Variants in BRINP3 observed in about 807,000 individuals in gnomAD.
BRINP3 encodes BMP/retinoic acid-inducible neural-specific protein 3.
A neutral mutation model predicts 71.0 loss-of-function variants in BRINP3; 19 were observed. The ratio of observed to expected loss-of-function variants is 0.27; its 90% CI spans 0.19 to 0.39. The LOEUF (loss-of-function observed/expected upper bound fraction) is 0.39. Among genes scored for constraint, BRINP3 ranks in the 10% least tolerant of loss-of-function variants. The pLI is 1.00. For synonymous variants in BRINP3, 380 were observed against 337.7 expected, an observed-to-expected ratio of 1.13 and a Z score of -1.37; for missense variants, 959 against 940.8, an observed-to-expected ratio of 1.02 and a Z score of -0.25.
intron 2 of BRINP3, among the ~76,000 whole-genome samples, chr1:190,416,772 G>A (rs894178665): frequency 6.6e-6 from 1 of 152,048 alleles, no homozygotes; most frequent in Admixed American, 6.6e-5. Flanking sequence ...CAAAGGCTTA[G>A]AGACCATAAA....
chr1:190,257,474 T>C (rs569658133), intron 4 of BRINP3, among the ~76,000 whole-genome samples: 18 of 152,154 alleles, frequency 1.2e-4, no homozygotes, highest in Non-Finnish European at 2.4e-4. Context: ...ACTGACCTTC[T>C]GAAGCCTACT....
intron 2 of BRINP3, among the ~76,000 whole-genome samples, chr1:190,323,082 A>T (rs1666352188): frequency 6.6e-6 from 1 of 151,960 alleles, no homozygotes; most frequent in African/African-American, 2.4e-5. Context: ...TTAAAATATA[A>T]ATTAGTTATG....
chr1:190,416,772 G>T (rs894178665), intron 2 of BRINP3, among the ~76,000 whole-genome samples: 3 of 152,048 alleles, frequency 2.0e-5, no homozygotes, highest in South Asian at 2.1e-4. Flanking sequence ...CAAAGGCTTA[G>T]AGACCATAAA....
intron 2 of BRINP3, among the ~76,000 whole-genome samples, chr1:190,296,096 G>T (rs1664232665): frequency 2.0e-5 from 3 of 148,330 alleles, no homozygotes; most frequent in South Asian, 2.2e-4. Flanking sequence ...CTGGGCTTTT[G>T]GTGTTATATT....
At chr1:190,429,808 C>T (rs968547487) in intron 2 of BRINP3, among the ~76,000 whole-genome samples, 1 of 151,936 alleles carries the variant, frequency 6.6e-6, no homozygotes, top group South Asian at 2.1e-4. Context: ...AGACTGGTCT[C>T]GAACTCCCGA....
chr1:190,189,448 C>G lies in BRINP3; in HGVS notation c.962-28558G>C, dbSNP rs143028304. On this transcript the variant is annotated intron_variant, in intron 6 of 7. Coordinates refer to ENST00000367462, the MANE Select transcript of BRINP3 (RefSeq NM_199051.3). ...ATTATGTAAGCTTTCTTCATCCCTT[C>G]TATTATTTTTTCTTTTTCTCCTCTT... Among the ~76,000 whole-genome samples the G allele has an allele frequency of 5.4e-3, 823 of 152,048 alleles. 6 individuals carry two copies. The highest frequency in any genetic ancestry group is 0.018 in the African/African-American group (751 of 41,522).
chr1:190,265,424 G>A (rs1230430946), intron 3 of BRINP3, among the ~76,000 whole-genome samples: 1 of 151,758 alleles, frequency 6.6e-6, no homozygotes, highest in Non-Finnish European at 1.5e-5. Context: ...ACTCAGGGCC[G>A]GGCACGGTGG....
At chr1:190,301,662 A>G (rs1186914525) in intron 2 of BRINP3, among the ~76,000 whole-genome samples, 1 of 151,838 alleles carries the variant, frequency 6.6e-6, no homozygotes, top group Non-Finnish European at 1.5e-5. Flanking sequence ...AGTTGTTGAG[A>G]AAACAAAGCA....
chr1:190,245,313 A>T (rs1659487717), intron 4 of BRINP3, among the ~76,000 whole-genome samples: 2 of 151,676 alleles, frequency 1.3e-5, no homozygotes, highest in South Asian at 4.1e-4. Context: ...CAAATTCTTT[A>T]GGAACTTATT....
chr1:190,161,274 A>G (rs1262417718), intron 6 of BRINP3, among the ~76,000 whole-genome samples: 1 of 151,992 alleles, frequency 6.6e-6, no homozygotes, highest in African/African-American at 2.4e-5. Context: ...AATGGTATTA[A>G]TAATCCTTTG....
In BRINP3 at chr1:190,454,795, A is replaced by T; in HGVS notation, c.96T>A (p.Val32=). Residue 32 remains valine (V), a synonymous_variant, in exon 2 of 8, where the codon GTT becomes GTA. Transcript: ENST00000367462. ...TGGCATGCTGATCCGAAACAGCAGCAACCGCTAAAACCCAGCAATGAAGAC... is the reference window on the plus strand; with the variant it reads ...TGGCATGCTGATCCGAAACAGCAGCTACCGCTAAAACCCAGCAATGAAGAC... ...ALSLHCWVLA[V]AAVSDQHATS... 1 of 1,614,188 alleles carries T rather than the reference A, an allele frequency of 6.2e-7. No homozygotes were observed. The highest frequency in any genetic ancestry group is 8.5e-7 in the Non-Finnish European group (1 of 1,180,040).
At chr1:190,183,098 C>T (rs528274441) in intron 6 of BRINP3, among the ~76,000 whole-genome samples, 1 of 152,046 alleles carries the variant, frequency 6.6e-6, no homozygotes, top group Non-Finnish European at 1.5e-5. Flanking sequence ...TCTAACTTGT[C>T]ACATTGAGAC....
rs191601983 is a variant in BRINP3, at chr1:190,268,738, C to G, written c.428-3683G>C. Among the ~76,000 whole-genome samples the G allele has an allele frequency of 1.1e-4, 17 of 152,084 alleles. No homozygotes were observed. The East Asian group carries it at 3.3e-3, about 29-fold the overall frequency. The stretch of plus-strand genomic sequence containing the variant: ...GCAAATAATAAAAATATTACTATCT[C>G]AATAGACTGAAACACACGAATATTA... On this transcript the variant is annotated intron_variant, in intron 3 of 7. Coordinates refer to ENST00000367462, the MANE Select transcript of BRINP3 (RefSeq NM_199051.3).
chr1:190,141,221 T>C (rs917946560), intron 7 of BRINP3, among the ~76,000 whole-genome samples: 3 of 152,072 alleles, frequency 2.0e-5, no homozygotes, highest in East Asian at 3.9e-4. Context: ...GTATCTCTTG[T>C]GGAAATTTTG....
At chr1:190,210,607 A>G (rs192435911) in intron 6 of BRINP3, among the ~76,000 whole-genome samples, 1 of 152,236 alleles carries the variant, frequency 6.6e-6, no homozygotes, top group East Asian at 1.9e-4. Context: ...GCAGTCATTC[A>G]TGCTCTTCTT....
At chr1:190,259,481 C>T (rs776396756) in intron 4 of BRINP3, among the ~76,000 whole-genome samples, 7 of 151,276 alleles carry the variant, frequency 4.6e-5, no homozygotes, top group Non-Finnish European at 8.8e-5. Context: ...AAAAGAACTT[C>T]CTCCATGTAT....
intron 2 of BRINP3, among the ~76,000 whole-genome samples, chr1:190,298,248 T>C (rs1462480814): frequency 6.6e-6 from 1 of 152,160 alleles, no homozygotes; most frequent in Non-Finnish European, 1.5e-5. Flanking sequence ...TGCTAGAATA[T>C]TGCCAATTTT....
intron 2 of BRINP3, among the ~76,000 whole-genome samples, chr1:190,440,563 A>G (rs1301453043): frequency 6.6e-6 from 1 of 152,046 alleles, no homozygotes; most frequent in African/African-American, 2.4e-5. Context: ...AAATAAACTT[A>G]GAGAATTCCC....
intron 2 of BRINP3, among the ~76,000 whole-genome samples, chr1:190,431,258 T>C (rs1674079656): frequency 6.6e-6 from 1 of 152,202 alleles, no homozygotes; most frequent in Non-Finnish European, 1.5e-5. Context: ...TCTCTATGTG[T>C]AGGTCACCCT....
Sources: gnomAD v4.1 joint callset for allele counts (sites outside exome capture counted in the v4.1 genomes callset) on GRCh38, gnomAD v4.1.1 for gene constraint, MANE v1.5 for transcripts, NCBI Gene and HGNC (gene_info 2026-07-23, HGNC 2026-07-21) for gene names.